The following COLQ variants were observed in gnomAD, a reference collection of about 807,000 sequenced individuals.
The protein encoded by COLQ is acetylcholinesterase collagenic tail peptide.
COLQ carries 48 observed loss-of-function variants against 69.0 expected under a neutral mutation model. That is an observed-to-expected ratio of 0.70 (90% confidence interval 0.55 to 0.88). COLQ has a LOEUF of 0.88. COLQ is among the 40% of genes least tolerant of loss of function. COLQ has a pLI of 0.00. For missense variants in COLQ, 618 were observed against 594.6 expected, an observed-to-expected ratio of 1.04 and a Z score of -0.41; for synonymous variants, 217 against 211.2, an observed-to-expected ratio of 1.03 and a Z score of -0.24.
intron 1 of COLQ, among the ~76,000 whole-genome samples, chr3:15,520,466 T>C (rs2063121015): frequency 1.3e-5 from 2 of 152,196 alleles, no homozygotes; most frequent in Non-Finnish European, 2.9e-5. Context: ...AGATGTGCCC[T>C]CTCTGAGAGC....
chr3:15,475,849 C>T (rs545844260), intron 6 of COLQ, among the ~76,000 whole-genome samples: 1 of 152,138 alleles, frequency 6.6e-6, no homozygotes, highest in Admixed American at 6.5e-5. Context: ...TCAATACACG[C>T]AAAAAACATT....
chr3:15,495,240 A>T (rs1246378777), intron 1 of COLQ, among the ~76,000 whole-genome samples: 1 of 152,212 alleles, frequency 6.6e-6, no homozygotes, highest in Admixed American at 6.5e-5. Context: ...AAGAGGGAGA[A>T]CACACACCGG....
rs111339593 is a variant in COLQ at position 15,521,554 on chromosome 3, C to A, written c.72G>T (p.Pro24=). Residue 24 remains proline, a synonymous_variant, in exon 1 of 17, where the codon CCG becomes CCT. Transcript: ENST00000383788. ...TTGGAAGAACGCTGTTGATGAAAGT[C>A]GGCTGAGACACGATAGAGAGGAAGA... is the stretch of plus-strand genomic sequence containing the variant. ...QLFFLSIVSQ[P]TFINSVLPIS... 7.4e-6 allele frequency: 12 copies of A among 1,614,012 alleles called. No individual in the cohort carries two copies. The highest frequency in any genetic ancestry group is 6.7e-5 in the Admixed American group (4 of 60,002).
chr3:15,467,781 A>G (rs1239480134), intron 11 of COLQ: 1 of 441,630 alleles, frequency 2.3e-6, no homozygotes, highest in South Asian at 1.6e-5. Flanking sequence ...ATGAAATGTA[A>G]TCTTCCTCAA....
chr3:15,455,163 G>A (rs1360819621), intron 15 of COLQ, among the ~76,000 whole-genome samples: 2 of 152,180 alleles, frequency 1.3e-5, no homozygotes. Flanking sequence ...TGAGCAGCCA[G>A]CACATCATAC....
intron 12 of COLQ, among the ~76,000 whole-genome samples, chr3:15,462,310 G>A (rs753704116): frequency 2.6e-4 from 39 of 152,116 alleles, no homozygotes; most frequent in Admixed American, 2.0e-4. Context: ...GATTACAGGC[G>A]TAAGCCACCG....
At chr3:15,483,983 CTT>C (rs2062533810) in intron 3 of COLQ, among the ~76,000 whole-genome samples, 1 of 152,066 alleles carries the variant, frequency 6.6e-6, no homozygotes, top group East Asian at 1.9e-4. Flanking sequence ...TTCTTTGTCT[CTT>C]TTGATCTTTG....
intron 12 of COLQ, among the ~76,000 whole-genome samples, chr3:15,465,646 C>T (rs753950784): frequency 1.0e-5 from 1 of 99,874 alleles, no homozygotes; most frequent in Admixed American, 1.3e-4. Context: ...GACAGAGTTT[C>T]GAGATGGCAC....
chr3:15,463,598 G>A lies in COLQ; in HGVS notation c.814+2743C>T, dbSNP rs149174376. Reference sequence around the variant, plus strand: ...CCTGACCTCATGATCTGCCCACCTCGGCCTTCCAAAGTGCTGGGATTACAG... The same window carrying A: ...CCTGACCTCATGATCTGCCCACCTCAGCCTTCCAAAGTGCTGGGATTACAG... On this transcript the variant is annotated intron_variant, in intron 12 of 16. Transcript: ENST00000383788. 2.2e-3 allele frequency among the ~76,000 whole-genome samples: 339 copies of A among 151,918 alleles called. 3 individuals are homozygous for A. The highest frequency in any genetic ancestry group is 9.2e-3 in the East Asian group (47 of 5,136).
At chr3:15,455,858 C>A in intron 15 of COLQ, 41 bp downstream of exon 15, 1 of 1,613,178 alleles carries the variant, frequency 6.2e-7, no homozygotes, top group Non-Finnish European at 8.5e-7. Context: ...CACCCCCCTG[C>A]TGTTCAGGCC....
chr3:15,478,991 G>C lies in COLQ; in HGVS notation c.379C>G (p.Arg127Gly), dbSNP rs143766249. The C allele has an allele frequency of 1.6e-5, 26 of 1,614,016 alleles. No individual in the cohort carries two copies. In the African/African-American group the frequency reaches 2.9e-4, roughly 18 times the overall value. Residue 127 changes from arginine (R) to glycine (G), a missense_variant, in exon 5 of 17, where the codon CGA becomes GGA. Arg to Gly is a moderately radical substitution (Grantham distance 125). Coordinates refer to ENST00000383788, the MANE Select transcript of COLQ (RefSeq NM_005677.4). ...GCAGACCATACCTTCCTTCCTGGTC[G>C]GCCAAGCTCCCCCTATGGATGGAGA... ...GPKGEKGELG[R>G]PGRKGRPGPP...
intron 1 of COLQ, among the ~76,000 whole-genome samples, chr3:15,501,235 A>G (rs1379622482): frequency 6.6e-6 from 1 of 152,220 alleles, no homozygotes; most frequent in Non-Finnish European, 1.5e-5. Context: ...TCTGGGATTT[A>G]TCAGCCAGGC....
intron 12 of COLQ, among the ~76,000 whole-genome samples, chr3:15,461,998 CTTATTTATTTAT>C (rs71045162): frequency 3.0e-3 from 411 of 138,012 alleles, no homozygotes; most frequent in African/African-American, 8.5e-3. Context: ...ACAGGGATAA[CTTATTTATTTAT>C]TTATTTATTT....
chr3:15,499,013 A>C, intron 1 of COLQ: 1 of 1,055,732 alleles, frequency 9.5e-7, no homozygotes, highest in Non-Finnish European at 1.2e-6. Context: ...GGTAAGCCTC[A>C]AAGTCAACCC....
rs1340146130 is a variant in COLQ, at chr3:15,450,671, G to A, written c.*973C>T. ...GGGACGCTGTCAGGGGTCAGCAGGAGGCAAAGAGGTAGAGCTCTGGCCAGG... is the reference window on the plus strand; with the variant it reads ...GGGACGCTGTCAGGGGTCAGCAGGAAGCAAAGAGGTAGAGCTCTGGCCAGG... On this transcript the variant is annotated 3_prime_UTR_variant, in exon 17 of 17. Transcript: ENST00000383788. The A allele has an allele frequency of 2.0e-5, 3 of 152,784 alleles. No individual in the cohort carries two copies. The highest frequency in any genetic ancestry group is 7.2e-5 in the African/African-American group (3 of 41,440). The allele number at this position is 152,784 out of a possible 1,614,324, so 9.5% of individuals were successfully genotyped here.
At chr3:15,480,871 A>G (rs2062472053) in intron 3 of COLQ, among the ~76,000 whole-genome samples, 1 of 152,202 alleles carries the variant, frequency 6.6e-6, no homozygotes, top group African/African-American at 2.4e-5. Context: ...AATGATCGCC[A>G]TTCTAACTGG....
intron 1 of COLQ, chr3:15,506,675 T>C (rs985858199): frequency 5.9e-5 from 9 of 152,262 alleles, no homozygotes; most frequent in African/African-American, 2.2e-4. Context: ...ATAATCCCAC[T>C]AATGATCAGC....
intron 12 of COLQ, among the ~76,000 whole-genome samples, chr3:15,464,903 T>C (rs933193453): frequency 6.6e-6 from 1 of 152,176 alleles, no homozygotes; most frequent in Non-Finnish European, 1.5e-5. Flanking sequence ...CAGCTGGGTG[T>C]GGTGGCTCAC....
chr3:15,465,258 T>A (rs1257236113), intron 12 of COLQ, among the ~76,000 whole-genome samples: 1 of 148,490 alleles, frequency 6.7e-6, no homozygotes, highest in Non-Finnish European at 1.5e-5. Flanking sequence ...ATTTATTTAT[T>A]TATTTATTTA....
Sources: gnomAD v4.1 joint callset for allele counts (sites outside exome capture counted in the v4.1 genomes callset) on GRCh38, gnomAD v4.1.1 for gene constraint, MANE v1.5 for transcripts, NCBI Gene and HGNC (gene_info 2026-07-23, HGNC 2026-07-21) for gene names.